The following SLC51B variants were observed in gnomAD, a reference collection of about 807,000 sequenced individuals.
SLC51B encodes organic solute transporter subunit beta.
In SLC51B, 6 loss-of-function variants were observed where a neutral mutation model predicts 8.0. That is an observed-to-expected ratio of 0.75 (90% confidence interval 0.41 to 1.48). SLC51B has a LOEUF of 1.48. SLC51B is among the 40% of genes most tolerant of loss of function. The probability of loss-of-function intolerance (pLI) is 0.01; values close to 1 mark genes in which losing one functional copy is unlikely to be tolerated. For synonymous variants in SLC51B, 61 were observed against 54.8 expected (o/e 1.11, Z -0.50); for missense variants, 150 against 149.7 (o/e 1.00, Z -0.01).
chr15:65,053,315 A>G lies in SLC51B; in HGVS notation c.*151A>G. The G allele has an allele frequency of 2.1e-6, 3 of 1,424,418 alleles. No individual in the cohort carries two copies. Among genetic ancestry groups the G allele is most frequent in the Non-Finnish European group, 2.7e-6 (3 of 1,095,726 alleles). 88.2% of individuals were successfully genotyped at this position (1,424,418 alleles called of 1,614,324 possible). A position where few individuals can be genotyped will look rare whatever the true frequency, so the allele number is the denominator to read the frequency against. The stretch of plus-strand genomic sequence containing the variant: ...TTTTTTTTCTTAGCAGATACAATGA[A>G]TGAACTGCAAGCAAACTAAAATTCT... On this transcript the variant is annotated 3_prime_UTR_variant, in exon 4 of 4. Coordinates refer to ENST00000334287, the MANE Select transcript of SLC51B (RefSeq NM_178859.4).
chr15:65,052,628 C>T (rs146786668), intron 3 of SLC51B, among the ~76,000 whole-genome samples: 1 of 152,008 alleles, frequency 6.6e-6, no homozygotes, highest in Non-Finnish European at 1.5e-5. Context: ...AACACCTGGC[C>T]TCAAGTGATC....
At chr15:65,049,149 A>C (rs921550218) in intron 1 of SLC51B, 7 of 151,972 alleles carry the variant, frequency 4.6e-5, no homozygotes, top group Admixed American at 3.3e-4. Flanking sequence ...AAGTAGTAAT[A>C]ATGCAGTTAG....
intron 1 of SLC51B, among the ~76,000 whole-genome samples, chr15:65,048,871 G>A (rs911906228): frequency 7.9e-5 from 12 of 152,136 alleles, no homozygotes; most frequent in African/African-American, 2.9e-4. Flanking sequence ...TAGTGGGGCG[G>A]TAGTGACATG....
chr15:65,052,764 A>G (rs1002420150), intron 3 of SLC51B, among the ~76,000 whole-genome samples: 2 of 152,166 alleles, frequency 1.3e-5, no homozygotes, highest in Non-Finnish European at 2.9e-5. Context: ...CACAGGTGAC[A>G]GTAAGGATTC....
At chr15:65,050,833 C>CTTTTTT (rs67418433) in intron 2 of SLC51B, among the ~76,000 whole-genome samples, 5 of 88,594 alleles carry the variant, frequency 5.6e-5, no homozygotes, top group Admixed American at 2.9e-4. Context: ...TCTTCTTCTT[C>CTTTTTT]TTCTTTTTTT....
chr15:65,051,477 C>T, intron 2 of SLC51B, 38 bp from the exon 3 acceptor site: 2 of 1,599,264 alleles, frequency 1.3e-6, no homozygotes, highest in African/African-American at 1.3e-5. Flanking sequence ...AGGTGCCTGG[C>T]CATTCCTCAG....
chr15:65,051,165 C>T (rs1028676189), intron 2 of SLC51B, among the ~76,000 whole-genome samples: 1 of 151,696 alleles, frequency 6.6e-6, no homozygotes, highest in Non-Finnish European at 1.5e-5. Flanking sequence ...CCTTGTGCTC[C>T]GCAGGTCCAG....
chr15:65,047,622 T>C (rs954930626), intron 1 of SLC51B, among the ~76,000 whole-genome samples: 1 of 152,166 alleles, frequency 6.6e-6, no homozygotes, highest in African/African-American at 2.4e-5. Context: ...ATCCAGGCAC[T>C]CTTACATCTG....
intron 1 of SLC51B, among the ~76,000 whole-genome samples, chr15:65,047,356 T>C (rs1010114600): frequency 6.6e-5 from 10 of 151,086 alleles, no homozygotes; most frequent in Admixed American, 1.3e-4. Flanking sequence ...AAAACATACA[T>C]ACAAATAGAC....
At chr15:65,049,810 T>C (rs1390373249) in intron 1 of SLC51B, 87 bp from the exon 2 acceptor site, 4 of 387,714 alleles carry the variant, frequency 1.0e-5, no homozygotes, top group South Asian at 3.8e-5. Context: ...GTCCCATAAC[T>C]TTGGGCCAGA....
intron 1 of SLC51B, among the ~76,000 whole-genome samples, chr15:65,048,284 C>T (rs187614113): frequency 6.6e-6 from 1 of 152,194 alleles, no homozygotes; most frequent in East Asian, 1.9e-4. Flanking sequence ...ATATGAAAAG[C>T]TTAAGTCAGT....
At chr15:65,046,225 C>T (rs746811901) in intron 1 of SLC51B, among the ~76,000 whole-genome samples, 6 of 152,122 alleles carry the variant, frequency 3.9e-5, no homozygotes, top group Non-Finnish European at 8.8e-5. Flanking sequence ...CACTTGAACT[C>T]GGGAGGCGGA....
At chr15:65,048,534 TGA>T (rs1035477954) in intron 1 of SLC51B, among the ~76,000 whole-genome samples, 5 of 152,210 alleles carry the variant, frequency 3.3e-5, no homozygotes, top group Non-Finnish European at 7.4e-5. Flanking sequence ...TGAGGGGACC[TGA>T]GAATGCTTCG....
At chr15:65,052,394 C>G (rs2086664284) in intron 3 of SLC51B, among the ~76,000 whole-genome samples, 1 of 137,232 alleles carries the variant, frequency 7.3e-6, no homozygotes, top group African/African-American at 2.8e-5. Flanking sequence ...TATGTGCATC[C>G]TTGGCTTTTT....
Position 65,052,978 on chromosome 15 carries a change from G to A in SLC51B, c.201G>A (p.Met67Ile), listed in dbSNP as rs1329928303. The change falls in exon 4 of 4, where the codon ATG becomes ATA. Residue 67 changes from methionine to isoleucine, a missense_variant. Physicochemically the swap from Met to Ile is conservative, Grantham distance 10. Coordinates refer to ENST00000334287, the MANE Select transcript of SLC51B (RefSeq NM_178859.4). ...CCTGTCCCCCCAGAAAAGAAAAGAT[G>A]CAGCCACCAGAAAAAGAAACTCCAG... ...RSIQASRKEK[M>I]QPPEKETPEV... The A allele has an allele frequency of 1.6e-5, 25 of 1,612,090 alleles. No homozygotes were observed. Among genetic ancestry groups the A allele is most frequent in the Non-Finnish European group, 1.9e-5 (22 of 1,179,728 alleles).
chr15:65,049,334 A>T (rs565980123), intron 1 of SLC51B: 2 of 150,600 alleles, frequency 1.3e-5, no homozygotes, highest in African/African-American at 2.4e-5. Context: ...GTCCAAAAAA[A>T]AAAGAAAAAG....
At chr15:65,051,323 A>C (rs1486403675) in intron 2 of SLC51B, among the ~76,000 whole-genome samples, 192 bp from the exon 3 acceptor site, 2 of 152,238 alleles carry the variant, frequency 1.3e-5, no homozygotes, top group African/African-American at 2.4e-5. Flanking sequence ...TCTCCAGAGT[A>C]GAGACTGTCT....
chr15:65,050,769 G>A (rs1028645203), intron 2 of SLC51B, among the ~76,000 whole-genome samples: 3 of 148,472 alleles, frequency 2.0e-5, no homozygotes, highest in Non-Finnish European at 4.5e-5. Context: ...TCTGTGGGCA[G>A]TTGCCATTCC....
rs776021382 is a variant in SLC51B at position 65,051,605 on chromosome 15, G to A, written c.188G>A (p.Arg63Lys). Residue 63 changes from arginine (R) to lysine (K), a missense_variant and splice_region_variant, in exon 3 of 4, where the codon AGA (arginine) becomes AAA (lysine). Coordinates refer to ENST00000334287, the MANE Select transcript of SLC51B (RefSeq NM_178859.4). ...CTGGGAAGAAGCATCCAGGCAAGCA[G>A]GTGAGGAGCTGGTCCTGGGGGGATG... ...VLLGRSIQAS[R>K]KEKMQPPEKE... 54 of 1,613,124 alleles carry A rather than the reference G, an allele frequency of 3.3e-5. No individual in the cohort carries two copies. In the Middle Eastern group the frequency reaches 6.6e-4, roughly 20 times the overall value.
Sources: allele counts gnomAD v4.1 joint callset (sites outside exome capture counted in the v4.1 genomes callset), GRCh38; gene constraint gnomAD v4.1.1; transcripts MANE v1.5; gene names NCBI Gene and HGNC (gene_info 2026-07-23, HGNC 2026-07-21).